Variants in RSF1 observed in about 807,000 individuals in gnomAD.
The protein encoded by RSF1 is HBV pX-associated protein 8.
Under a neutral mutation model 145.2 loss-of-function variants are expected in RSF1, and 13 were observed. That is an observed-to-expected ratio of 0.09 (90% CI 0.06 to 0.14). RSF1 has a LOEUF of 0.14. Ranked by LOEUF, RSF1 falls within the 10% of genes least tolerant of loss-of-function variation. The probability of loss-of-function intolerance (pLI) is 1.00; values close to 1 mark genes in which losing one functional copy is unlikely to be tolerated. For synonymous variants in RSF1, 577 were observed against 592.6 expected (o/e 0.97, Z 0.38); for missense variants, 1,517 against 1,718.2 (o/e 0.88, Z 2.07).
At chr11:77,869,880 C>T in the RSF1 span, 3 of 1,494,588 alleles carry the variant, frequency 2.0e-6, no homozygotes, top group South Asian at 2.3e-5. Context: ...CTTTGTCTTA[C>T]AGACTTGTCC....
intron 1 of RSF1, among the ~76,000 whole-genome samples, chr11:77,811,423 C>A (rs1022266250): frequency 6.6e-6 from 1 of 152,148 alleles, no homozygotes; most frequent in Non-Finnish European, 1.5e-5. Context: ...GCAGTAACTG[C>A]AAAAAGTGTT....
At chr11:77,734,072 T>G (rs1288833703) in intron 4 of RSF1, among the ~76,000 whole-genome samples, 1 of 152,168 alleles carries the variant, frequency 6.6e-6, no homozygotes, top group Non-Finnish European at 1.5e-5. Flanking sequence ...CTTAAACATT[T>G]TTGCTATTGA....
At chr11:77,716,959 C>G (rs1960825815) in intron 5 of RSF1, among the ~76,000 whole-genome samples, 1 of 152,076 alleles carries the variant, frequency 6.6e-6, no homozygotes, top group African/African-American at 2.4e-5. Context: ...GGGTGGATCA[C>G]TTGAGCTCAG....
intron 5 of RSF1, among the ~76,000 whole-genome samples, chr11:77,724,034 C>T (rs1465950696): frequency 6.6e-6 from 1 of 152,044 alleles, no homozygotes; most frequent in East Asian, 1.9e-4. Flanking sequence ...TTATCATAGA[C>T]TTAAGAGTTT....
At chr11:77,669,965 T>C (rs376789105) in intron 15 of RSF1, among the ~76,000 whole-genome samples, 1 of 152,150 alleles carries the variant, frequency 6.6e-6, no homozygotes, top group Non-Finnish European at 1.5e-5. Flanking sequence ...CTCATCTCTA[T>C]AAAATAAATT....
chr11:77,820,980 C>A (rs994679429), upstream of RSF1: 2 of 532,096 alleles, frequency 3.8e-6, no homozygotes, highest in South Asian at 5.1e-5. Flanking sequence ...CCCCTTCGGG[C>A]TTGCCACTGC....
intron 6 of RSF1, among the ~76,000 whole-genome samples, chr11:77,699,626 G>A (rs907346465): frequency 1.3e-5 from 2 of 152,098 alleles, no homozygotes; most frequent in African/African-American, 4.8e-5. Flanking sequence ...GAGTAAAATG[G>A]GGAAAACAGG....
chr11:77,679,455 T>C (rs1302149056), intron 11 of RSF1, among the ~76,000 whole-genome samples: 1 of 152,188 alleles, frequency 6.6e-6, no homozygotes, highest in Non-Finnish European at 1.5e-5. Flanking sequence ...GGCAGATCAC[T>C]TGAGCCCAGG....
upstream of RSF1, among the ~76,000 whole-genome samples, chr11:77,824,591 A>G (rs1949082415): frequency 6.6e-6 from 1 of 152,208 alleles, no homozygotes; most frequent in African/African-American, 2.4e-5. Flanking sequence ...TGAATCTTAA[A>G]AACATGTTGA....
At chr11:77,821,171 C>T (rs969800038), upstream of RSF1, 4 of 370,656 alleles carry the variant, frequency 1.1e-5, no homozygotes, top group Non-Finnish European at 1.5e-5. Context: ...CCCGAAGCAG[C>T]GCTGGGAGCG....
At chr11:77,686,339 T>TG (rs1440652460) in intron 9 of RSF1, among the ~76,000 whole-genome samples, 2 of 141,848 alleles carry the variant, frequency 1.4e-5, no homozygotes, top group East Asian at 4.2e-4. Flanking sequence ...ACTCAGGAGT[T>TG]GGAGGTTGCA....
At chr11:77,712,444 G>A (rs928666470) in intron 5 of RSF1, among the ~76,000 whole-genome samples, 3 of 152,118 alleles carry the variant, frequency 2.0e-5, no homozygotes, top group Non-Finnish European at 4.4e-5. Context: ...AGCAGCATGA[G>A]AACAGACTAA....
intron 11 of RSF1, among the ~76,000 whole-genome samples, chr11:77,681,406 C>T (rs1959857775): frequency 6.6e-6 from 1 of 151,594 alleles, no homozygotes; most frequent in Non-Finnish European, 1.5e-5. Context: ...GTGCAATTTC[C>T]TTCCTTCCCT....
At chr11:77,756,217 C>G (rs577406574) in intron 2 of RSF1, among the ~76,000 whole-genome samples, 1 of 151,846 alleles carries the variant, frequency 6.6e-6, no homozygotes, top group Admixed American at 6.6e-5. Flanking sequence ...ATTAGCTGGG[C>G]ATGGTGGCAC....
At chr11:77,687,116 T>C (rs1960030138) in intron 9 of RSF1, among the ~76,000 whole-genome samples, 3 of 152,206 alleles carry the variant, frequency 2.0e-5, no homozygotes, top group Admixed American at 2.0e-4. Flanking sequence ...ATATTTATTT[T>C]AGAAACACAT....
chr11:77,707,960 TATTGTTG>T (rs1960591455), intron 5 of RSF1, among the ~76,000 whole-genome samples: 1 of 152,248 alleles, frequency 6.6e-6, no homozygotes, highest in Non-Finnish European at 1.5e-5. Flanking sequence ...ATGTTAACAG[TATTGTTG>T]CATCTTGATA....
chr11:77,858,738 T>C, the RSF1 span, among the ~76,000 whole-genome samples: 61,047 of 151,906 alleles, frequency 0.4, 12,901 homozygotes, highest in African/African-American at 0.52. Context: ...GAGATTTCCT[T>C]GGGAGGGATG....
intron 6 of RSF1, 46 bp downstream of exon 6, chr11:77,700,675 A>C: frequency 7.2e-7 from 1 of 1,395,364 alleles, no homozygotes; most frequent in Non-Finnish European, 9.6e-7. Context: ...AAACCTATTA[A>C]TATATAGAGA....
At chr11:77,719,797 G>T (rs1253474009) in intron 5 of RSF1, among the ~76,000 whole-genome samples, 1 of 152,124 alleles carries the variant, frequency 6.6e-6, no homozygotes, top group Non-Finnish European at 1.5e-5. Context: ...CTACAACATG[G>T]ATGTTGTAAT....
Sources: allele counts gnomAD v4.1 joint callset (sites outside exome capture counted in the v4.1 genomes callset), GRCh38; gene constraint gnomAD v4.1.1; transcripts MANE v1.5; gene names NCBI Gene and HGNC (gene_info 2026-07-23, HGNC 2026-07-21).